The following LRP5 variants were observed in gnomAD, a reference collection of about 807,000 sequenced individuals.
LRP5 encodes the protein low-density lipoprotein receptor-related protein 5.
LRP5 carries 62 observed loss-of-function variants against 154.1 expected under a neutral mutation model. The observed-to-expected ratio is 0.40, with a 90% CI of 0.33 to 0.50. The LOEUF (loss-of-function observed/expected upper bound fraction) is 0.50, where lower values mean the gene tolerates loss of function less well. Among genes scored for constraint, LRP5 ranks in the 20% least tolerant of loss-of-function variants. The pLI is 0.55. For missense variants in LRP5, 1,915 were observed against 2,336.7 expected (o/e 0.82, Z 3.72); for synonymous variants, 966 against 1,011.5 (o/e 0.96, Z 0.85).
At chr11:68,346,534 C>G (rs3781596) in intron 1 of LRP5, among the ~76,000 whole-genome samples, 15,733 of 152,304 alleles carry the variant, frequency 0.1, 1,095 homozygotes, top group Admixed American at 0.24. Flanking sequence ...ATGAAACCAA[C>G]TGAACTAACT....
intron 1 of LRP5, among the ~76,000 whole-genome samples, chr11:68,336,772 A>G (rs1201675650): frequency 6.6e-6 from 1 of 152,186 alleles, no homozygotes; most frequent in Non-Finnish European, 1.5e-5. Context: ...CCCGGCCTGC[A>G]TTTACCTGTT....
At chr11:68,411,377 C>G (rs980153410) in intron 10 of LRP5, 59 bp from the exon 11 acceptor site, 33 of 1,571,666 alleles carry the variant, frequency 2.1e-5, no homozygotes, top group Non-Finnish European at 2.9e-5. Context: ...CCCCGCCACC[C>G]ACTGTCCTGC....
intron 7 of LRP5, among the ~76,000 whole-genome samples, chr11:68,392,191 T>C (rs1254636890): frequency 1.3e-5 from 2 of 152,192 alleles, no homozygotes; most frequent in African/African-American, 4.8e-5. Flanking sequence ...ACAAAATTGA[T>C]GATTTTAACC....
the LRP5 span, among the ~76,000 whole-genome samples, chr11:68,304,888 A>G: frequency 6.6e-6 from 1 of 152,216 alleles, no homozygotes; most frequent in African/African-American, 2.4e-5. Flanking sequence ...TCAGCAGTAA[A>G]TAACTGTTTT....
rs1010096381 is a variant in LRP5 at position 68,389,876 on chromosome 11, T to C, written c.1413-5T>C. ...TGGGGTCATGGACTTCTGCTTCTTC[T>C]CCAGCCTCATGTACTGGACAGACTG... On this transcript the variant is annotated splice_region_variant and splice_polypyrimidine_tract_variant and intron_variant, in intron 6 of 22. Transcript: ENST00000294304. 16 of 1,614,102 alleles carry C rather than the reference T, an allele frequency of 9.9e-6. No homozygotes were observed. The highest frequency in any genetic ancestry group is 1.4e-5 in the Non-Finnish European group (16 of 1,180,032).
At chr11:68,352,277 G>T (rs545624848) in intron 2 of LRP5, among the ~76,000 whole-genome samples, 5 of 152,286 alleles carry the variant, frequency 3.3e-5, no homozygotes, top group African/African-American at 1.2e-4. Context: ...ATGTAGGTTC[G>T]ATAAAAAGAT....
chr11:68,374,978 C>T (rs2098636547), intron 5 of LRP5, among the ~76,000 whole-genome samples: 1 of 152,230 alleles, frequency 6.6e-6, no homozygotes, highest in Non-Finnish European at 1.5e-5. Flanking sequence ...CAGCCTCTTC[C>T]ATGTCCCCCT....
intron 15 of LRP5, 98 bp from the exon 16 acceptor site, chr11:68,425,880 C>G: frequency 9.2e-7 from 1 of 1,082,130 alleles, no homozygotes; most frequent in Non-Finnish European, 1.4e-6. Flanking sequence ...ATCCCCCAGG[C>G]TCCCTGGCAG....
intron 5 of LRP5, 98 bp downstream of exon 5, chr11:68,365,800 C>T: frequency 7.9e-7 from 1 of 1,265,756 alleles, no homozygotes. Flanking sequence ...CCTCGGCAAA[C>T]CCGTTCGAAA....
At chr11:68,318,172 A>C (rs1367669992) in intron 1 of LRP5, among the ~76,000 whole-genome samples, 1 of 151,058 alleles carries the variant, frequency 6.6e-6, no homozygotes. Context: ...CTCCTGCCTC[A>C]GCCTCCTGAG....
chr11:68,321,949 T>C (rs1275622933), intron 1 of LRP5, among the ~76,000 whole-genome samples: 1 of 152,184 alleles, frequency 6.6e-6, no homozygotes, highest in Admixed American at 6.5e-5. Flanking sequence ...CTGGCCACCT[T>C]GGGTTCTGCC....
intron 5 of LRP5, among the ~76,000 whole-genome samples, chr11:68,372,208 A>AC (rs2098634405): frequency 6.6e-6 from 1 of 152,064 alleles, no homozygotes; most frequent in South Asian, 2.1e-4. Flanking sequence ...TGTCAGGCAG[A>AC]CCCGGGACCG....
chr11:68,421,686 C>CTGTG (rs148066763), intron 13 of LRP5, among the ~76,000 whole-genome samples: 10,244 of 133,186 alleles, frequency 0.077, 402 homozygotes, highest in Middle Eastern at 0.15. Context: ...CCCAGCAAGG[C>CTGTG]TGTGTGTGTG....
At chr11:68,357,972 A>G (rs2098624614) in intron 3 of LRP5, 125 bp downstream of exon 3, 2 of 883,228 alleles carry the variant, frequency 2.3e-6, no homozygotes, top group Non-Finnish European at 3.6e-6. Context: ...GGAATGCAGG[A>G]CTTCTCAGAA....
At chr11:68,425,060 C>T (rs757553358) in intron 14 of LRP5, 42 bp from the exon 15 acceptor site, 22 of 1,586,438 alleles carry the variant, frequency 1.4e-5, no homozygotes, top group African/African-American at 2.7e-5. Flanking sequence ...TCCGAGGAGA[C>T]GCCATCCCCA....
At chr11:68,409,201 T>G (rs915547369) in intron 9 of LRP5, among the ~76,000 whole-genome samples, 1 of 107,206 alleles carries the variant, frequency 9.3e-6, no homozygotes, top group Non-Finnish European at 1.8e-5. Flanking sequence ...TAAATTATAT[T>G]TATAAGTAAA....
chr11:68,340,069 C>G (rs556509987), intron 1 of LRP5, among the ~76,000 whole-genome samples: 1 of 152,066 alleles, frequency 6.6e-6, no homozygotes, highest in South Asian at 2.1e-4. Context: ...GGCAAAACCC[C>G]GTCTCTACTA....
chr11:68,426,975 C>T (rs1448863872), intron 16 of LRP5, among the ~76,000 whole-genome samples: 1 of 152,222 alleles, frequency 6.6e-6, no homozygotes, highest in Non-Finnish European at 1.5e-5. Context: ...CAGGTCCTTG[C>T]CCCGTGGCCC....
intron 2 of LRP5, among the ~76,000 whole-genome samples, chr11:68,348,683 C>A (rs1373635817): frequency 6.6e-6 from 1 of 152,244 alleles, no homozygotes; most frequent in Non-Finnish European, 1.5e-5. Context: ...TTGGCTCAGG[C>A]CTGTAATCCC....
Sources: allele counts gnomAD v4.1 joint callset (sites outside exome capture counted in the v4.1 genomes callset), GRCh38; gene constraint gnomAD v4.1.1; transcripts MANE v1.5; gene names NCBI Gene and HGNC (gene_info 2026-07-23, HGNC 2026-07-21).